UNC5D: variants seen among roughly 807,000 people sequenced by gnomAD.
UNC5D encodes unc-5 netrin receptor D.
UNC5D carries 39 observed loss-of-function variants against 105.4 expected under a neutral mutation model. The ratio of observed to expected loss-of-function variants is 0.37; its 90% CI spans 0.29 to 0.48. UNC5D has a LOEUF of 0.48. Ranked by LOEUF, UNC5D falls within the 20% of genes least tolerant of loss-of-function variation. The pLI, the probability that UNC5D is intolerant of heterozygous loss-of-function variation, is 0.98. For synonymous variants in UNC5D, 452 were observed against 450.4 expected (o/e 1.00, Z -0.04); for missense variants, 991 against 1,202.4 (o/e 0.82, Z 2.60).
intron 4 of UNC5D, among the ~76,000 whole-genome samples, chr8:35,615,035 G>GCCCCCCCCCCCCCCCCCCCCC (rs1394702258): frequency 1.9e-5 from 1 of 53,820 alleles, no homozygotes; most frequent in Non-Finnish European, 3.0e-5. Flanking sequence ...CATAGTGAGG[G>GCCCCCCCCCCCCCCCCCCCCC]GCCCCCCCCC....
At chr8:35,705,383 G>A (rs1827506792) in intron 7 of UNC5D, among the ~76,000 whole-genome samples, 1 of 152,170 alleles carries the variant, frequency 6.6e-6, no homozygotes, top group African/African-American at 2.4e-5. Flanking sequence ...ATGGAGATGT[G>A]AAACAAAAAG....
chr8:35,415,019 G>A (rs561773502), intron 1 of UNC5D, among the ~76,000 whole-genome samples: 1 of 152,114 alleles, frequency 6.6e-6, no homozygotes, highest in Non-Finnish European at 1.5e-5. Context: ...GGTACCTGTG[G>A]GTAGACCTCA....
chr8:35,310,768 G>A (rs891808092), intron 1 of UNC5D, among the ~76,000 whole-genome samples: 10 of 151,852 alleles, frequency 6.6e-5, no homozygotes, highest in East Asian at 1.9e-4. Context: ...TACTAGTGCC[G>A]GTGGATCAGT....
intron 1 of UNC5D, among the ~76,000 whole-genome samples, chr8:35,522,298 G>T (rs993612798): frequency 1.3e-5 from 2 of 152,166 alleles, no homozygotes; most frequent in African/African-American, 4.8e-5. Context: ...CCACTTAGCA[G>T]TAATCTGATC....
chr8:35,525,771 G>A (rs1349494127), intron 1 of UNC5D: 6 of 1,524,624 alleles, frequency 3.9e-6, no homozygotes, highest in East Asian at 2.4e-5. Context: ...CATCTTGGGA[G>A]TGCCGTAATG....
chr8:35,478,416 C>A (rs1320501574), intron 1 of UNC5D, among the ~76,000 whole-genome samples: 1 of 152,084 alleles, frequency 6.6e-6, no homozygotes, highest in Non-Finnish European at 1.5e-5. Flanking sequence ...AATGACTTTT[C>A]TTCATAAAAA....
chr8:35,694,384 G>C (rs1486331400), intron 7 of UNC5D, among the ~76,000 whole-genome samples: 1 of 152,108 alleles, frequency 6.6e-6, no homozygotes, highest in Non-Finnish European at 1.5e-5. Context: ...GGACAGACAG[G>C]AACCTAGAAT....
chr8:35,523,578 CTTTTTT>C (rs33917742), intron 1 of UNC5D, among the ~76,000 whole-genome samples: 1 of 97,554 alleles, frequency 1.0e-5, no homozygotes, highest in African/African-American at 3.6e-5. Context: ...GTAATGTGCT[CTTTTTT>C]TTTTTTTTTT....
intron 1 of UNC5D, among the ~76,000 whole-genome samples, chr8:35,358,552 T>C (rs995696886): frequency 2.6e-5 from 4 of 152,144 alleles, no homozygotes; most frequent in African/African-American, 7.2e-5. Context: ...GCTTCATACC[T>C]AGGGTGATGG....
At chr8:35,766,163 G>A (rs1801756309) in intron 14 of UNC5D, among the ~76,000 whole-genome samples, 1 of 152,044 alleles carries the variant, frequency 6.6e-6, no homozygotes. Flanking sequence ...GAGAGTAGGG[G>A]ACTGAATCTG....
intron 4 of UNC5D, among the ~76,000 whole-genome samples, chr8:35,602,521 G>A (rs1819959293): frequency 6.6e-6 from 1 of 152,166 alleles, no homozygotes; most frequent in African/African-American, 2.4e-5. Flanking sequence ...TCCTGGTTTA[G>A]CCTTGGGAGA....
intron 1 of UNC5D, among the ~76,000 whole-genome samples, chr8:35,489,751 A>G (rs1811078266): frequency 6.6e-6 from 1 of 152,178 alleles, no homozygotes; most frequent in Non-Finnish European, 1.5e-5. Flanking sequence ...TAAGGAGCCC[A>G]TTGTATTGGT....
rs558479553 is a variant in UNC5D, at chr8:35,617,659, G to A, written c.570+22002G>A. Among the ~76,000 whole-genome samples, 38 of 152,218 alleles carry A rather than the reference G, an allele frequency of 2.5e-4. 1 individual carries two copies. Among genetic ancestry groups the A allele is most frequent in the African/African-American group, 6.3e-4 (26 of 41,530 alleles). On this transcript the variant is annotated intron_variant, in intron 4 of 16. Coordinates refer to ENST00000404895, the MANE Select transcript of UNC5D (RefSeq NM_080872.4). ...TTGTGCAAATTGCAGTGGCTTCCAC[G>A]GCACAGATTACAGGCACACCACCCC...
intron 1 of UNC5D, among the ~76,000 whole-genome samples, chr8:35,281,251 G>A (rs549411509): frequency 1.3e-5 from 2 of 151,918 alleles, no homozygotes; most frequent in East Asian, 3.9e-4. Context: ...TCTCTTTGCC[G>A]TCTCCTGCCC....
At chr8:35,701,043 A>T (rs994576871) in intron 7 of UNC5D, among the ~76,000 whole-genome samples, 5 of 152,220 alleles carry the variant, frequency 3.3e-5, no homozygotes, top group African/African-American at 1.2e-4. Context: ...CATATGATTT[A>T]TGACAAACAA....
Position 35,738,828 on chromosome 8 carries a change from A to G in UNC5D, c.1766+7732A>G, listed in dbSNP as rs17271972. The stretch of plus-strand genomic sequence containing the variant: ...TTTTGTCAGGCTTTTCTTGCTAGCA[A>G]TGGATGAAAATGCGTGAATCGTCCA... On this transcript the variant is annotated intron_variant, in intron 11 of 16. Transcript: ENST00000404895. 6.4e-3 allele frequency among the ~76,000 whole-genome samples: 969 copies of G among 152,302 alleles called. 8 individuals carry two copies. The highest frequency in any genetic ancestry group is 0.048 in the Middle Eastern group (14 of 294).
At chr8:35,356,911 T>G (rs1282224866) in intron 1 of UNC5D, among the ~76,000 whole-genome samples, 1 of 152,126 alleles carries the variant, frequency 6.6e-6, no homozygotes, top group East Asian at 1.9e-4. Flanking sequence ...TGGGACAGAC[T>G]GGGATGGCAT....
intron 4 of UNC5D, among the ~76,000 whole-genome samples, chr8:35,597,623 C>G (rs910354207): frequency 6.6e-6 from 1 of 152,182 alleles, no homozygotes; most frequent in African/African-American, 2.4e-5. Context: ...TTGACTTTGG[C>G]AGCAGCAGAG....
intron 3 of UNC5D, among the ~76,000 whole-genome samples, chr8:35,591,800 A>G (rs1363692679): frequency 6.6e-6 from 1 of 152,184 alleles, no homozygotes; most frequent in Non-Finnish European, 1.5e-5. Flanking sequence ...AGAACCGATG[A>G]TAGAACAAGG....
Sources: gnomAD v4.1 joint callset for allele counts (sites outside exome capture counted in the v4.1 genomes callset) on GRCh38, gnomAD v4.1.1 for gene constraint, MANE v1.5 for transcripts, NCBI Gene and HGNC (gene_info 2026-07-23, HGNC 2026-07-21) for gene names.